KCNT2: variants seen among roughly 807,000 people sequenced by gnomAD.
The protein encoded by KCNT2 is potassium channel subfamily T member 2.
In KCNT2, 67 loss-of-function variants were observed where a neutral mutation model predicts 153.8. The observed-to-expected ratio is 0.44, with a 90% CI of 0.36 to 0.53. The LOEUF is 0.53. Ranked by LOEUF, KCNT2 falls within the 20% of genes least tolerant of loss-of-function variation. The pLI, the probability that KCNT2 is intolerant of heterozygous loss-of-function variation, is 0.00. For missense variants in KCNT2, 975 were observed against 1,354.8 expected, an observed-to-expected ratio of 0.72 and a Z score of 4.40; for synonymous variants, 500 against 458.8, an observed-to-expected ratio of 1.09 and a Z score of -1.15.
chr1:196,374,775 G>A (rs1408782725), intron 13 of KCNT2, among the ~76,000 whole-genome samples: 3 of 151,596 alleles, frequency 2.0e-5, no homozygotes, highest in Non-Finnish European at 4.4e-5. Context: ...TGCTAAACCC[G>A]GAATGTTATT....
At chr1:196,321,039 A>G (rs768674588) in intron 19 of KCNT2, among the ~76,000 whole-genome samples, 38 of 150,646 alleles carry the variant, frequency 2.5e-4, no homozygotes, top group Non-Finnish European at 3.7e-4. Flanking sequence ...TGGAAGGGAT[A>G]TTAGTGGATC....
At chr1:196,537,414 T>C (rs891043797) in intron 1 of KCNT2, among the ~76,000 whole-genome samples, 1 of 152,174 alleles carries the variant, frequency 6.6e-6, no homozygotes, top group African/African-American at 2.4e-5. Flanking sequence ...AAGTCCGTAA[T>C]AGACGGCACA....
chr1:196,524,377 A>G (rs1027325288), intron 1 of KCNT2, among the ~76,000 whole-genome samples: 1 of 151,870 alleles, frequency 6.6e-6, no homozygotes, highest in African/African-American at 2.4e-5. Flanking sequence ...GGGGAAAAAA[A>G]GTGGTTTTCC....
intron 8 of KCNT2, among the ~76,000 whole-genome samples, chr1:196,461,495 A>G (rs1440812921): frequency 6.6e-6 from 1 of 151,844 alleles, no homozygotes; most frequent in East Asian, 1.9e-4. Flanking sequence ...TAAAAATATT[A>G]AAGTTTGAAG....
At chr1:196,542,526 C>T (rs1656518382) in intron 1 of KCNT2, among the ~76,000 whole-genome samples, 1 of 152,114 alleles carries the variant, frequency 6.6e-6, no homozygotes, top group Non-Finnish European at 1.5e-5. Flanking sequence ...CAACTTTCTA[C>T]AGTACACCTT....
At chr1:196,498,816 C>T (rs749182838) in intron 1 of KCNT2, among the ~76,000 whole-genome samples, 32 of 152,084 alleles carry the variant, frequency 2.1e-4, no homozygotes, top group Non-Finnish European at 3.2e-4. Context: ...AAAAATTATA[C>T]CTTTCCAAAT....
intron 1 of KCNT2, among the ~76,000 whole-genome samples, chr1:196,507,777 T>C (rs1197889664): frequency 1.3e-5 from 2 of 152,152 alleles, no homozygotes; most frequent in African/African-American, 4.8e-5. Context: ...ACGGTCAATA[T>C]AATTTAAGTT....
intron 1 of KCNT2, among the ~76,000 whole-genome samples, chr1:196,528,868 C>T (rs1654583038): frequency 6.6e-6 from 1 of 152,104 alleles, no homozygotes; most frequent in Non-Finnish European, 1.5e-5. Context: ...TCTAATCATT[C>T]AAGGGTAAAG....
At chr1:196,384,057 C>T (rs760090872) in intron 13 of KCNT2, among the ~76,000 whole-genome samples, 1 of 152,064 alleles carries the variant, frequency 6.6e-6, no homozygotes, top group Non-Finnish European at 1.5e-5. Flanking sequence ...AAAAAGGGAA[C>T]TATGTGAGGT....
intron 22 of KCNT2, among the ~76,000 whole-genome samples, chr1:196,302,409 G>T (rs1365574667): frequency 6.6e-6 from 1 of 152,044 alleles, no homozygotes; most frequent in Non-Finnish European, 1.5e-5. Context: ...AATATCGACT[G>T]GGTGTTTTAA....
chr1:196,463,813 C>T (rs1677370243), intron 8 of KCNT2, among the ~76,000 whole-genome samples: 1 of 151,664 alleles, frequency 6.6e-6, no homozygotes, highest in Non-Finnish European at 1.5e-5. Context: ...AATAGAAGTA[C>T]TAGGCAGAAA....
chr1:196,451,393 A>G (rs1676173457), intron 8 of KCNT2, among the ~76,000 whole-genome samples: 2 of 134,890 alleles, frequency 1.5e-5, no homozygotes. Flanking sequence ...GACGTGCGCT[A>G]CCACACCCAA....
chr1:196,403,519 C>G (rs1671587169), intron 12 of KCNT2, among the ~76,000 whole-genome samples: 1 of 151,324 alleles, frequency 6.6e-6, no homozygotes. Flanking sequence ...ACAGAATATA[C>G]AATATAAAGA....
At chr1:196,264,263 T>C (rs2477554) in intron 25 of KCNT2, among the ~76,000 whole-genome samples, 107,805 of 152,086 alleles carry the variant, frequency 0.71, 41,485 homozygotes, top group East Asian at 0.95. Context: ...GTATCTGAGT[T>C]AAAAAGAACA....
chr1:196,283,681 G>A (rs138727342), intron 23 of KCNT2, among the ~76,000 whole-genome samples: 252 of 152,134 alleles, frequency 1.7e-3, no homozygotes, highest in Non-Finnish European at 2.3e-3. Context: ...GAGAAATTAT[G>A]CTCTGGATTT....
At chr1:196,516,929 G>C (rs1213795852) in intron 1 of KCNT2, among the ~76,000 whole-genome samples, 2 of 152,166 alleles carry the variant, frequency 1.3e-5, no homozygotes, top group Non-Finnish European at 2.9e-5. Flanking sequence ...GTGGGTCCCT[G>C]ATCTCATACT....
chr1:196,543,759 A>G (rs1478328596), intron 1 of KCNT2, among the ~76,000 whole-genome samples: 2 of 152,128 alleles, frequency 1.3e-5, no homozygotes, highest in Non-Finnish European at 2.9e-5. Flanking sequence ...TGCTGTGAGG[A>G]TATAGAAAAC....
chr1:196,572,712 T>C (rs533311306), intron 1 of KCNT2, among the ~76,000 whole-genome samples: 2 of 152,226 alleles, frequency 1.3e-5, no homozygotes, highest in Admixed American at 1.3e-4. Flanking sequence ...TAGGTTAATG[T>C]AGACTTTCAA....
chr1:196,370,609 T>C lies in KCNT2; in HGVS notation c.1403+2531A>G, dbSNP rs559865833. 3.5e-4 allele frequency among the ~76,000 whole-genome samples: 53 copies of C among 152,054 alleles called. 1 individual carries two copies. The highest frequency in any genetic ancestry group is 3.4e-3 in the Middle Eastern group (1 of 294). ...GTAAAGAAAGTAGCATCCTGATATATTGATGATGATAATCAAAGTGCTATT... is the reference window on the plus strand; with the variant it reads ...GTAAAGAAAGTAGCATCCTGATATACTGATGATGATAATCAAAGTGCTATT... On this transcript the variant is annotated intron_variant, in intron 14 of 27. Coordinates refer to ENST00000294725, the MANE Select transcript of KCNT2 (RefSeq NM_198503.5).
Sources: gnomAD v4.1 joint callset for allele counts (sites outside exome capture counted in the v4.1 genomes callset) on GRCh38, gnomAD v4.1.1 for gene constraint, MANE v1.5 for transcripts, NCBI Gene and HGNC (gene_info 2026-07-23, HGNC 2026-07-21) for gene names.